The following CNTN1 variants were observed in gnomAD, a reference collection of about 807,000 sequenced individuals.
CNTN1 encodes contactin-1.
In CNTN1, 38 loss-of-function variants were observed where a neutral mutation model predicts 126.4. The ratio of observed to expected loss-of-function variants is 0.30; its 90% CI spans 0.23 to 0.39. The LOEUF is 0.39. Among genes scored for constraint, CNTN1 ranks in the 10% least tolerant of loss-of-function variants. The pLI is 1.00. For synonymous variants in CNTN1, 413 were observed against 422.6 expected (o/e 0.98, Z 0.28); for missense variants, 1,009 against 1,248.4 (o/e 0.81, Z 2.89).
rs932023414 is a variant in CNTN1 at position 41,070,265 on chromosome 12, A to G, written c.*230A>G. 30 of 563,594 alleles carry G rather than the reference A, an allele frequency of 5.3e-5. No individual in the cohort carries two copies. The highest frequency in any genetic ancestry group is 8.3e-5 in the Non-Finnish European group (26 of 314,602). The allele number at this position is 563,594 out of a possible 1,614,324, so 34.9% of individuals were successfully genotyped here. ...TATAAATGATTTTTAACTCGTTCCA[A>G]TATGCCTTATAAACCACTTAACCTG... On this transcript the variant is annotated 3_prime_UTR_variant, in exon 24 of 24. Coordinates refer to ENST00000551295, the MANE Select transcript of CNTN1 (RefSeq NM_001843.4).
At chr12:41,028,835 T>C (rs1254949485) in intron 22 of CNTN1, among the ~76,000 whole-genome samples, 2 of 152,210 alleles carry the variant, frequency 1.3e-5, no homozygotes, top group East Asian at 3.8e-4. Flanking sequence ...ATTCAGATGC[T>C]TAAGTCACAT....
At chr12:40,984,209 T>C (rs1029826194) in intron 16 of CNTN1, among the ~76,000 whole-genome samples, 1 of 151,830 alleles carries the variant, frequency 6.6e-6, no homozygotes, top group Non-Finnish European at 1.5e-5. Flanking sequence ...TAAACCAATA[T>C]GTTTATATTA....
intron 9 of CNTN1, among the ~76,000 whole-genome samples, chr12:40,935,426 G>A (rs1309831412): frequency 6.6e-6 from 1 of 151,904 alleles, no homozygotes; most frequent in African/African-American, 2.4e-5. Flanking sequence ...ATTTACAGAA[G>A]GTAATTTAAG....
At chr12:41,009,716 C>A (rs1234945289) in intron 17 of CNTN1, among the ~76,000 whole-genome samples, 1 of 152,160 alleles carries the variant, frequency 6.6e-6, no homozygotes, top group Non-Finnish European at 1.5e-5. Context: ...GTAATGGCTT[C>A]TAGCCCTTTC....
At chr12:40,720,649 C>T (rs1316257467) in intron 1 of CNTN1, among the ~76,000 whole-genome samples, 1 of 152,028 alleles carries the variant, frequency 6.6e-6, no homozygotes, top group Non-Finnish European at 1.5e-5. Context: ...TATTGTCAGG[C>T]CAGGCGCGGT....
At chr12:40,796,909 A>G (rs1365268063) in intron 1 of CNTN1, among the ~76,000 whole-genome samples, 2 of 152,084 alleles carry the variant, frequency 1.3e-5, no homozygotes. Context: ...AAGAATCACT[A>G]TTCTCAAGAG....
intron 23 of CNTN1, among the ~76,000 whole-genome samples, chr12:41,055,328 T>C (rs1746799192): frequency 6.6e-6 from 1 of 152,146 alleles, no homozygotes; most frequent in African/African-American, 2.4e-5. Context: ...ATGCATTTCT[T>C]GGTAAATATT....
At chr12:40,838,859 GAA>G (rs35664463) in intron 1 of CNTN1, among the ~76,000 whole-genome samples, 1 of 152,074 alleles carries the variant, frequency 6.6e-6, no homozygotes, top group Non-Finnish European at 1.5e-5. Flanking sequence ...CATGAAGCAT[GAA>G]AAAACAAGGA....
intron 1 of CNTN1, among the ~76,000 whole-genome samples, chr12:40,775,207 T>A (rs920549639): frequency 3.3e-5 from 5 of 151,442 alleles, no homozygotes; most frequent in Non-Finnish European, 7.4e-5. Flanking sequence ...GAGGAGAGAT[T>A]TTAAAAATAA....
rs553763586 is a variant in CNTN1 at position 41,067,935 on chromosome 12, T to A, written c.2981-2024T>A. On this transcript the variant is annotated intron_variant, in intron 23 of 23. Coordinates refer to ENST00000551295, the MANE Select transcript of CNTN1 (RefSeq NM_001843.4). ...GTAGAAAAGTAGAAGATAAAAAAAA[T>A]TACAAGAATACAAAGATCTCTTTGA... 3.9e-5 allele frequency among the ~76,000 whole-genome samples: 6 copies of A among 152,272 alleles called. No homozygotes were observed. The Middle Eastern group carries it at 0.01, about 259-fold the overall frequency.
At chr12:40,966,611 C>A (rs1947317496) in intron 15 of CNTN1, among the ~76,000 whole-genome samples, 1 of 152,120 alleles carries the variant, frequency 6.6e-6, no homozygotes, top group African/African-American at 2.4e-5. Context: ...AAAATGACAG[C>A]TTTCCCAATT....
intron 17 of CNTN1, among the ~76,000 whole-genome samples, chr12:41,004,717 T>C (rs1817945294): frequency 1.3e-5 from 2 of 152,256 alleles, no homozygotes; most frequent in South Asian, 4.1e-4. Context: ...TCTTTATTGG[T>C]TAAAAGTCTG....
In CNTN1 at chr12:40,751,293, T is replaced by C. The variant is rs563938435; in HGVS notation, c.-77+58701T>C. On this transcript the variant is annotated intron_variant, in intron 1 of 23. Transcript: ENST00000551295. ...GAAACATCCTGGGATGTTAATAGTT[T>C]AAACTGAGTCAGAGGAAGTTTTATG... Among the ~76,000 whole-genome samples, 3 of 152,230 alleles carry C rather than the reference T, an allele frequency of 2.0e-5. No individual in the cohort carries two copies. In the East Asian group the frequency reaches 5.8e-4, roughly 29 times the overall value.
At chr12:40,919,935 G>A (rs913672709) in intron 4 of CNTN1, among the ~76,000 whole-genome samples, 1 of 152,152 alleles carries the variant, frequency 6.6e-6, no homozygotes, top group East Asian at 1.9e-4. Flanking sequence ...ACATGGAATA[G>A]TAGAACTAAT....
intron 1 of CNTN1, among the ~76,000 whole-genome samples, chr12:40,845,118 C>T (rs1181681009): frequency 1.3e-5 from 2 of 152,134 alleles, no homozygotes; most frequent in East Asian, 3.9e-4. Context: ...CGTAATTTTT[C>T]TTTAAAAGAG....
intron 1 of CNTN1, among the ~76,000 whole-genome samples, chr12:40,798,540 T>C (rs1940530044): frequency 6.6e-6 from 1 of 151,854 alleles, no homozygotes; most frequent in Non-Finnish European, 1.5e-5. Flanking sequence ...TAAAAGTCTA[T>C]ATTCTACCAC....
rs1566234817 is a variant in CNTN1, at chr12:41,056,995, TA to T, written c.2981-12963del. 1.3e-3 allele frequency among the ~76,000 whole-genome samples: 114 copies of T among 87,966 alleles called. 5 individuals are homozygous for T. The highest frequency in any genetic ancestry group is 4.9e-3 in the African/African-American group (71 of 14,452). The allele number at this position is 87,966 out of a possible 152,430, so 57.7% of individuals were successfully genotyped here. A position where few individuals can be genotyped will look rare whatever the true frequency, so the allele number is the denominator to read the frequency against. On this transcript the variant is annotated intron_variant, in intron 23 of 23. Transcript: ENST00000551295. ...TAAATATTTAGATATTTATAAATAT[TA>T]TAAATATTTAGATATTTATAAATGA...
intron 3 of CNTN1, among the ~76,000 whole-genome samples, chr12:40,916,013 A>G (rs1945226702): frequency 6.6e-6 from 1 of 152,072 alleles, no homozygotes; most frequent in Non-Finnish European, 1.5e-5. Context: ...TGGTAATAAC[A>G]TTTACATCAT....
intron 1 of CNTN1, among the ~76,000 whole-genome samples, chr12:40,715,172 G>A (rs559571275): frequency 2.6e-5 from 4 of 152,024 alleles, no homozygotes; most frequent in South Asian, 2.1e-4. Flanking sequence ...CCTTGACCCC[G>A]CTATCGAAAA....
Sources: gnomAD v4.1 joint callset for allele counts (sites outside exome capture counted in the v4.1 genomes callset) on GRCh38, gnomAD v4.1.1 for gene constraint, MANE v1.5 for transcripts, NCBI Gene and HGNC (gene_info 2026-07-23, HGNC 2026-07-21) for gene names.